TF: variants seen among roughly 807,000 people sequenced by gnomAD.
TF encodes serotransferrin.
A neutral mutation model predicts 82.4 loss-of-function variants in TF; 55 were observed. The ratio of observed to expected loss-of-function variants is 0.67; its 90% CI spans 0.54 to 0.84. TF has a LOEUF of 0.84. TF is among the 40% of genes least tolerant of loss of function. TF has a pLI of 0.00. For missense variants in TF, 737 were observed against 868.4 expected, an observed-to-expected ratio of 0.85 and a Z score of 1.90; for synonymous variants, 332 against 332.6, an observed-to-expected ratio of 1.00 and a Z score of 0.02.
the TF span, among the ~76,000 whole-genome samples, chr3:133,678,881 G>GTTTTA: frequency 6.6e-6 from 1 of 151,848 alleles, no homozygotes; most frequent in Admixed American, 6.6e-5. Context: ...GTTTTGTTTT[G>GTTTTA]TTTTGTTTTG....
chr3:133,721,488 T>C, the TF span, among the ~76,000 whole-genome samples: 1 of 152,234 alleles, frequency 6.6e-6, no homozygotes, highest in Non-Finnish European at 1.5e-5. Context: ...TTGTTAAGAC[T>C]TGTTTTGTGG....
At chr3:133,703,199 AT>A in the TF span, among the ~76,000 whole-genome samples, 1 of 152,322 alleles carries the variant, frequency 6.6e-6, no homozygotes, top group East Asian at 1.9e-4. Flanking sequence ...TTTAATATTA[AT>A]GGTAACTAAT....
chr3:133,663,529 C>A, the TF span, among the ~76,000 whole-genome samples: 1 of 151,860 alleles, frequency 6.6e-6, no homozygotes, highest in African/African-American at 2.4e-5. Context: ...CAAATCTGAC[C>A]TGAATCTGTA....
the TF span, chr3:133,699,744 G>T: frequency 2.6e-6 from 1 of 387,162 alleles, no homozygotes; most frequent in African/African-American, 2.1e-5. Flanking sequence ...TACAGTGGGA[G>T]CCATGCCACA....
At chr3:133,708,365 C>T in the TF span, among the ~76,000 whole-genome samples, 1 of 152,098 alleles carries the variant, frequency 6.6e-6, no homozygotes, top group Non-Finnish European at 1.5e-5. Context: ...TAGCAAGATT[C>T]TATTGAAAAA....
the TF span, among the ~76,000 whole-genome samples, chr3:133,665,840 TAGG>T: frequency 1.3e-4 from 19 of 146,760 alleles, no homozygotes; most frequent in Non-Finnish European, 2.7e-4. Context: ...GAGGATGAGA[TAGG>T]AGAATTGCTT....
chr3:133,700,582 G>A, the TF span, among the ~76,000 whole-genome samples: 1 of 152,318 alleles, frequency 6.6e-6, no homozygotes, highest in South Asian at 2.1e-4. Flanking sequence ...TGGCTTGAGG[G>A]TGAGGCAGCC....
the TF span, among the ~76,000 whole-genome samples, chr3:133,731,478 A>G: frequency 5.2e-4 from 79 of 152,290 alleles, no homozygotes; most frequent in African/African-American, 1.9e-3. Context: ...GTCTCTGTAA[A>G]ACCACTTCTC....
rs115500269 is a variant in TF at position 133,791,546 on chromosome 3, T to C, written c.*12926T>C. The C allele has an allele frequency of 3.8e-3, 573 of 152,294 alleles. 5 individuals carry two copies. The highest frequency in any genetic ancestry group is 0.013 in the African/African-American group (543 of 41,562). The allele number at this position is 152,294 out of a possible 1,614,324, so 9.4% of individuals were successfully genotyped here. A position where few individuals can be genotyped will look rare whatever the true frequency, so the allele number is the denominator to read the frequency against. On this transcript the variant is annotated 3_prime_UTR_variant, in exon 17 of 17. Transcript: ENST00000402696. ...ATCTCCTCTGTAAAGTTTTGATTAA[T>C]ATAAAAAAAGAATTCTGAGGCCGAT...
In TF at chr3:133,746,502, T is replaced by C; in HGVS notation, c.43+19T>C. On this transcript the variant is annotated intron_variant, in intron 1 of 16. Transcript: ENST00000402696. ...GTCCTGGGTGAGTGCGGGCACGGGG[T>C]AGCACCGCAGAGTCGCTGGCCCGCG... 2 of 1,591,672 alleles carry C rather than the reference T, an allele frequency of 1.3e-6. No individual in the cohort carries two copies. Among genetic ancestry groups the C allele is most frequent in the African/African-American group, 1.3e-5 (1 of 74,614 alleles).
the TF span, among the ~76,000 whole-genome samples, chr3:133,720,780 A>T: frequency 6.6e-6 from 1 of 152,046 alleles, no homozygotes; most frequent in Non-Finnish European, 1.5e-5. Flanking sequence ...CTCACTTATT[A>T]CTGGTCTGTG....
At chr3:133,674,375 A>G in the TF span, among the ~76,000 whole-genome samples, 1 of 151,968 alleles carries the variant, frequency 6.6e-6, no homozygotes, top group Non-Finnish European at 1.5e-5. Context: ...AGCCTTGCAG[A>G]CCCCGGGGCT....
At chr3:133,684,673 A>G in the TF span, among the ~76,000 whole-genome samples, 3 of 152,244 alleles carry the variant, frequency 2.0e-5, no homozygotes, top group South Asian at 6.2e-4. Context: ...GAATCCCTGA[A>G]TAGACCAATA....
the TF span, among the ~76,000 whole-genome samples, chr3:133,682,941 G>C: frequency 6.6e-6 from 1 of 152,250 alleles, no homozygotes. Context: ...AAATGTTGAG[G>C]GCAGCCAGAG....
At position 133,768,126 on chromosome 3, in the gene TF, C is replaced by CTGTG; in HGVS notation, c.1584_1585insTGTG (p.Asn529CysfsTer18). On this transcript the variant is annotated frameshift_variant, in exon 13 of 17. Coordinates refer to ENST00000402696, the MANE Select transcript of TF (RefSeq NM_001063.4). LOFTEE classifies it high-confidence loss of function. ...CAGGCCTAAACCTGTGTGAACCCAA[C>CTGTG]AACAAAGAGGGATACTACGGCTACA... 3 of 1,614,052 alleles carry CTGTG rather than the reference C, an allele frequency of 1.9e-6. No homozygotes were observed. Among genetic ancestry groups the CTGTG allele is most frequent in the African/African-American group, 1.3e-5 (1 of 74,988 alleles).
intron 12 of TF, among the ~76,000 whole-genome samples, chr3:133,766,637 G>A (rs567252664): frequency 3.9e-5 from 6 of 152,280 alleles, no homozygotes; most frequent in Admixed American, 2.0e-4. Context: ...GAGTTGGGAC[G>A]GTTCATTTAG....
At chr3:133,742,110 G>A (rs1277052078), upstream of TF, among the ~76,000 whole-genome samples, 1 of 151,980 alleles carries the variant, frequency 6.6e-6, no homozygotes, top group Non-Finnish European at 1.5e-5. Context: ...TAGCCTCTTG[G>A]GTAGCTGGCA....
chr3:133,699,617 G>T, the TF span: 1 of 536,422 alleles, frequency 1.9e-6, no homozygotes. Context: ...TTCTCAACCA[G>T]GTCCAGGTAT....
At chr3:133,740,242 C>G in the TF span, among the ~76,000 whole-genome samples, 6 of 152,182 alleles carry the variant, frequency 3.9e-5, no homozygotes, top group South Asian at 1.2e-3. Context: ...AACAGAAAAC[C>G]AAATACCACA....
Sources: allele counts gnomAD v4.1 joint callset (sites outside exome capture counted in the v4.1 genomes callset), GRCh38; gene constraint gnomAD v4.1.1; transcripts MANE v1.5; gene names NCBI Gene and HGNC (gene_info 2026-07-23, HGNC 2026-07-21).